NEK7: variants seen among roughly 807,000 people sequenced by gnomAD.
NEK7 encodes the protein serine/threonine-protein kinase Nek7.
Under a neutral mutation model 44.6 loss-of-function variants are expected in NEK7, and 18 were observed. The ratio of observed to expected loss-of-function variants is 0.40; its 90% CI spans 0.28 to 0.60. The LOEUF (loss-of-function observed/expected upper bound fraction) is 0.60, where lower values mean the gene tolerates loss of function less well. Among genes scored for constraint, NEK7 ranks in the 20% least tolerant of loss-of-function variants. NEK7 has a pLI of 0.38. For synonymous variants in NEK7, 130 were observed against 121.1 expected, an observed-to-expected ratio of 1.07 and a Z score of -0.48; for missense variants, 256 against 366.5, an observed-to-expected ratio of 0.70 and a Z score of 2.46.
chr1:198,163,350 G>C (rs955610550), intron 1 of NEK7, among the ~76,000 whole-genome samples: 3 of 151,784 alleles, frequency 2.0e-5, no homozygotes, highest in Admixed American at 2.0e-4. Context: ...AAAAAAATTA[G>C]TTGGGCTTGG....
intron 1 of NEK7, chr1:198,207,232 A>G (rs1204913735): frequency 6.6e-6 from 1 of 152,174 alleles, no homozygotes; most frequent in Non-Finnish European, 1.5e-5. Flanking sequence ...AAGGTATGTG[A>G]TAACTCAGGC....
At chr1:198,314,194 C>T (rs1159607170) in intron 9 of NEK7, among the ~76,000 whole-genome samples, 14 of 152,282 alleles carry the variant, frequency 9.2e-5, no homozygotes, top group East Asian at 7.7e-4. Flanking sequence ...CATCTTCCAT[C>T]GCTGATACCC....
At chr1:198,253,610 G>A (rs1438954423) in intron 3 of NEK7, among the ~76,000 whole-genome samples, 2 of 151,970 alleles carry the variant, frequency 1.3e-5, no homozygotes, top group Non-Finnish European at 2.9e-5. Context: ...GGAAAATGAA[G>A]TGAACTTTAT....
At chr1:198,284,282 C>T (rs1324771619) in intron 7 of NEK7, among the ~76,000 whole-genome samples, 1 of 152,076 alleles carries the variant, frequency 6.6e-6, no homozygotes, top group Non-Finnish European at 1.5e-5. Flanking sequence ...ATGTCAGTTC[C>T]TTGTGACATT....
chr1:198,247,385 A>T (rs1666862363), intron 2 of NEK7, among the ~76,000 whole-genome samples: 1 of 152,194 alleles, frequency 6.6e-6, no homozygotes, highest in Admixed American at 6.5e-5. Flanking sequence ...GCAGTGTGGC[A>T]TAGGCTATAC....
intron 5 of NEK7, among the ~76,000 whole-genome samples, chr1:198,269,030 C>T (rs1653750051): frequency 6.6e-6 from 1 of 152,056 alleles, no homozygotes; most frequent in Admixed American, 6.6e-5. Context: ...CCAGAGTACC[C>T]TTCCTACATA....
intron 9 of NEK7, among the ~76,000 whole-genome samples, chr1:198,300,852 C>G (rs1275985702): frequency 6.6e-6 from 1 of 152,180 alleles, no homozygotes; most frequent in African/African-American, 2.4e-5. Flanking sequence ...AAATTACTCA[C>G]AAGATAGGCC....
At chr1:198,216,371 T>A (rs1051240300) in intron 1 of NEK7, among the ~76,000 whole-genome samples, 3 of 152,006 alleles carry the variant, frequency 2.0e-5, no homozygotes, top group South Asian at 2.1e-4. Flanking sequence ...AATTTAAAAA[T>A]TTTTCAAAAT....
intron 1 of NEK7, among the ~76,000 whole-genome samples, chr1:198,163,081 C>T (rs984062183): frequency 3.3e-5 from 5 of 151,912 alleles, no homozygotes; most frequent in African/African-American, 1.2e-4. Context: ...AGACATATGT[C>T]CTTATATTAT....
chr1:198,219,171 AC>A (rs1666012770), intron 1 of NEK7, among the ~76,000 whole-genome samples: 2 of 151,678 alleles, frequency 1.3e-5, no homozygotes, highest in East Asian at 3.9e-4. Context: ...GTACCCCTCA[AC>A]TGATGAATGG....
In NEK7 at chr1:198,321,874, T is replaced by G. The variant is rs1391992515; in HGVS notation, c.*2352T>G. 2 of 152,146 alleles carry G rather than the reference T, an allele frequency of 1.3e-5. No individual in the cohort carries two copies. Among genetic ancestry groups the G allele is most frequent in the African/African-American group, 2.4e-5 (1 of 41,462 alleles). 9.4% of individuals were successfully genotyped at this position (152,146 alleles called of 1,614,324 possible). On this transcript the variant is annotated 3_prime_UTR_variant, in exon 10 of 10. Coordinates refer to ENST00000367385, the MANE Select transcript of NEK7 (RefSeq NM_133494.3). ...ATTAAGTTAAACTTTTGAATTGATT[T>G]GAGGAGCAGTAAAATGAAAGCTATA...
intron 1 of NEK7, among the ~76,000 whole-genome samples, chr1:198,182,881 A>C (rs1489469609): frequency 6.6e-6 from 1 of 152,174 alleles, no homozygotes; most frequent in African/African-American, 2.4e-5. Context: ...GATAGTAGTC[A>C]TTAACAATAT....
At chr1:198,282,113 A>G (rs1477073709) in intron 7 of NEK7, among the ~76,000 whole-genome samples, 1 of 152,068 alleles carries the variant, frequency 6.6e-6, no homozygotes, top group Non-Finnish European at 1.5e-5. Context: ...TTGTCTCAAA[A>G]TATCTCTACT....
At chr1:198,256,536 C>T in intron 3 of NEK7, 1 of 1,483,068 alleles carries the variant, frequency 6.7e-7, no homozygotes, top group Non-Finnish European at 9.0e-7. Flanking sequence ...TCTGTACCAA[C>T]TTTGCTTTTC....
chr1:198,200,165 C>A (rs1665382432), intron 1 of NEK7, among the ~76,000 whole-genome samples: 1 of 152,100 alleles, frequency 6.6e-6, no homozygotes, highest in Non-Finnish European at 1.5e-5. Flanking sequence ...GTGGACAGTG[C>A]ATTTTTTTCT....
intron 1 of NEK7, among the ~76,000 whole-genome samples, chr1:198,230,704 T>G (rs999510430): frequency 8.5e-5 from 13 of 152,158 alleles, no homozygotes; most frequent in African/African-American, 3.1e-4. Flanking sequence ...GAAAAGCTAC[T>G]TGGACTAATA....
At chr1:198,256,389 A>G in intron 3 of NEK7, 1 of 1,612,014 alleles carries the variant, frequency 6.2e-7, no homozygotes, top group Non-Finnish European at 8.5e-7. Flanking sequence ...TACTTCTTGG[A>G]AATCATAAAG....
intron 7 of NEK7, among the ~76,000 whole-genome samples, chr1:198,289,750 G>A (rs548285605): frequency 6.6e-6 from 1 of 152,174 alleles, no homozygotes; most frequent in Non-Finnish European, 1.5e-5. Context: ...TATCAATTTA[G>A]TGATATCTTC....
chr1:198,301,988 T>C (rs973015818), intron 9 of NEK7, among the ~76,000 whole-genome samples: 1 of 152,246 alleles, frequency 6.6e-6, no homozygotes, highest in Admixed American at 6.5e-5. Flanking sequence ...TCAGTAAGTC[T>C]GATTAACGCT....
Sources: allele counts gnomAD v4.1 joint callset (sites outside exome capture counted in the v4.1 genomes callset), GRCh38; gene constraint gnomAD v4.1.1; transcripts MANE v1.5; gene names NCBI Gene and HGNC (gene_info 2026-07-23, HGNC 2026-07-21).